The following CCNJL variants were observed in gnomAD, a reference collection of about 807,000 sequenced individuals.
CCNJL encodes cyclin J like, also known as cyclin-J-like protein.
CCNJL carries 33 observed loss-of-function variants against 33.4 expected under a neutral mutation model. The ratio of observed to expected loss-of-function variants is 0.99; its 90% confidence interval spans 0.75 to 1.32. CCNJL has a LOEUF of 1.32. Among genes scored for constraint, CCNJL ranks in the 40% most tolerant of loss-of-function variants. The pLI, the probability that CCNJL is intolerant of heterozygous loss-of-function variation, is 0.00. For synonymous variants in CCNJL, 227 were observed against 220.9 expected (o/e 1.03, Z -0.24); for missense variants, 512 against 499.7 (o/e 1.02, Z -0.23).
At chr5:160,324,437 G>C (rs932956604) in intron 1 of CCNJL, among the ~76,000 whole-genome samples, 3 of 152,186 alleles carry the variant, frequency 2.0e-5, no homozygotes, top group African/African-American at 7.2e-5. Flanking sequence ...GCCAGGCGTG[G>C]TGGCGGGCAC....
intron 1 of CCNJL, among the ~76,000 whole-genome samples, chr5:160,337,781 T>C (rs1305206159): frequency 2.0e-5 from 3 of 152,172 alleles, no homozygotes; most frequent in Non-Finnish European, 1.5e-5. Context: ...AATGAGTGAA[T>C]TGTGAACAAA....
At chr5:160,288,777 A>G (rs932821907) in intron 2 of CCNJL, among the ~76,000 whole-genome samples, 11 of 150,216 alleles carry the variant, frequency 7.3e-5, no homozygotes, top group African/African-American at 2.7e-4. Flanking sequence ...CTTGCAGTGA[A>G]TGGACATCGT....
chr5:160,326,172 A>G (rs1375465816), intron 1 of CCNJL, among the ~76,000 whole-genome samples: 2 of 152,076 alleles, frequency 1.3e-5, no homozygotes, highest in Non-Finnish European at 2.9e-5. Context: ...TCCTAACACA[A>G]TATGAAAGCC....
intron 1 of CCNJL, among the ~76,000 whole-genome samples, chr5:160,332,924 G>A (rs537152249): frequency 5.9e-5 from 9 of 152,128 alleles, no homozygotes; most frequent in African/African-American, 1.7e-4. Flanking sequence ...CTTCTCCATC[G>A]CAGTGCCCAG....
chr5:160,283,544 A>T (rs918027884), intron 2 of CCNJL, among the ~76,000 whole-genome samples: 3 of 152,220 alleles, frequency 2.0e-5, no homozygotes, highest in African/African-American at 4.8e-5. Flanking sequence ...AGACGTTTTG[A>T]TACAGGTATG....
At chr5:160,338,363 C>T (rs1002671816) in intron 1 of CCNJL, among the ~76,000 whole-genome samples, 10 of 152,232 alleles carry the variant, frequency 6.6e-5, no homozygotes, top group South Asian at 2.1e-4. Flanking sequence ...CACTGCACTC[C>T]GACCTGGGTG....
intron 2 of CCNJL, among the ~76,000 whole-genome samples, chr5:160,284,271 G>A (rs1271535188): frequency 6.6e-6 from 1 of 152,124 alleles, no homozygotes; most frequent in South Asian, 2.1e-4. Flanking sequence ...AGGATCACTT[G>A]AGCACAGGAG....
intron 3 of CCNJL, among the ~76,000 whole-genome samples, chr5:160,262,119 C>A (rs1312018182): frequency 6.6e-6 from 1 of 152,128 alleles, no homozygotes; most frequent in Non-Finnish European, 1.5e-5. Flanking sequence ...TGTGCTGAGC[C>A]AGCCTTGGTT....
intron 2 of CCNJL, among the ~76,000 whole-genome samples, chr5:160,305,104 G>A (rs1170827837): frequency 2.6e-5 from 4 of 152,060 alleles, no homozygotes; most frequent in South Asian, 2.1e-4. Flanking sequence ...ATGAGCCACC[G>A]CGCCTGGCCA....
intron 1 of CCNJL, chr5:160,339,364 A>C (rs1267160532): frequency 5.9e-5 from 19 of 323,484 alleles, no homozygotes; most frequent in Non-Finnish European, 8.6e-5. Context: ...CAAAACAAAA[A>C]AAAAAAACAA....
intron 3 of CCNJL, chr5:160,269,338 T>C (rs532236165): frequency 8.9e-6 from 4 of 447,752 alleles, no homozygotes; most frequent in Non-Finnish European, 1.8e-5. Flanking sequence ...GTCACCCGAA[T>C]AGCTGGCATC....
chr5:160,324,278 AATCT>A (rs1379565581), intron 1 of CCNJL, among the ~76,000 whole-genome samples: 13 of 152,226 alleles, frequency 8.5e-5, no homozygotes, highest in Non-Finnish European at 1.8e-4. Flanking sequence ...GTCATTGTTA[AATCT>A]ATCTATCTGG....
upstream of CCNJL, among the ~76,000 whole-genome samples, chr5:160,317,765 CAA>C (rs546339429): frequency 2.9e-3 from 442 of 152,290 alleles, 2 homozygotes; most frequent in African/African-American, 0.01. Flanking sequence ...TGGCTTGAAA[CAA>C]GAGAACTTTC....
In CCNJL at chr5:160,259,463, T is replaced by A. The variant is rs1056552874; in HGVS notation, c.583+6A>T. 1 of 1,605,242 alleles carries A rather than the reference T, an allele frequency of 6.2e-7. No individual in the cohort carries two copies. Among genetic ancestry groups the A allele is most frequent in the Admixed American group, 1.7e-5 (1 of 59,722 alleles). On this transcript the variant is annotated splice_donor_region_variant and intron_variant, in intron 4 of 5. Coordinates refer to ENST00000257536, the MANE Select transcript of CCNJL (RefSeq NM_001308173.3). ...GGAGGTCCTGCCATCGGGTCCCAGC[T>A]GTCACCTTGCAGGGTGACCTCTAGG...
rs142138120 is a variant in CCNJL, at chr5:160,273,186, G to T, written c.280+7339C>A. 1.2e-3 allele frequency among the ~76,000 whole-genome samples: 186 copies of T among 152,300 alleles called. 1 individual carries two copies. Among genetic ancestry groups the T allele is most frequent in the African/African-American group, 4.3e-3 (180 of 41,558 alleles). ...GTGAATACTGAACCACTGCTCCTAG[G>T]GGAAGGTACAAGGTTAGGTTCCTGC... On this transcript the variant is annotated intron_variant, in intron 3 of 5. Transcript: ENST00000257536.
At chr5:160,270,601 ACACT>A (rs1343956271) in intron 3 of CCNJL, among the ~76,000 whole-genome samples, 1 of 152,088 alleles carries the variant, frequency 6.6e-6, no homozygotes. Context: ...AAATAAACAA[ACACT>A]CAATAAACAT....
upstream of CCNJL, among the ~76,000 whole-genome samples, chr5:160,313,518 C>T (rs1299174076): frequency 6.6e-6 from 1 of 152,188 alleles, no homozygotes; most frequent in Non-Finnish European, 1.5e-5. Context: ...TTTCTGACTG[C>T]TTTCCTGCAC....
intron 3 of CCNJL, among the ~76,000 whole-genome samples, chr5:160,276,772 G>T (rs1054436628): frequency 2.0e-5 from 3 of 148,836 alleles, no homozygotes; most frequent in African/African-American, 7.7e-5. Context: ...GTTGTGGCAT[G>T]AATTTTATCT....
Position 160,306,038 on chromosome 5 carries a change from C to T in CCNJL, c.66+5820G>A, listed in dbSNP as rs1278876340. On this transcript the variant is annotated intron_variant, in intron 2 of 5. Transcript: ENST00000257536. Reference sequence around the variant, plus strand: ...CCTGTGATCCCAGCACTCTGAGAGGCCAAGGCGGGCGGATCACCTGAGGTC... The same window carrying T: ...CCTGTGATCCCAGCACTCTGAGAGGTCAAGGCGGGCGGATCACCTGAGGTC... Among the ~76,000 whole-genome samples the T allele has an allele frequency of 2.0e-5, 3 of 152,168 alleles. No homozygotes were observed. In the East Asian group the frequency reaches 5.8e-4, roughly 29 times the overall value.
Sources: gnomAD v4.1 joint callset for allele counts (sites outside exome capture counted in the v4.1 genomes callset) on GRCh38, gnomAD v4.1.1 for gene constraint, MANE v1.5 for transcripts, NCBI Gene and HGNC (gene_info 2026-07-23, HGNC 2026-07-21) for gene names.